Variants in TNFRSF21 observed in about 807,000 individuals in gnomAD.
The protein encoded by TNFRSF21 is tumor necrosis factor receptor superfamily member 21.
Under a neutral mutation model 45.6 loss-of-function variants are expected in TNFRSF21, and 19 were observed. The observed-to-expected ratio is 0.42, with a 90% CI of 0.29 to 0.61. The LOEUF (loss-of-function observed/expected upper bound fraction) is 0.61. TNFRSF21 is among the 20% of genes least tolerant of loss of function. The pLI is 0.23. For synonymous variants in TNFRSF21, 314 were observed against 335.5 expected (o/e 0.94, Z 0.70); for missense variants, 737 against 851.5 (o/e 0.87, Z 1.67).
intron 1 of TNFRSF21, among the ~76,000 whole-genome samples, chr6:47,299,705 T>C (rs970375925): frequency 1.2e-4 from 19 of 152,336 alleles, no homozygotes; most frequent in Admixed American, 5.2e-4. Flanking sequence ...CTAGGAGCTA[T>C]TGAAATTCAA....
intron 1 of TNFRSF21, among the ~76,000 whole-genome samples, chr6:47,288,968 A>G (rs1762684759): frequency 6.6e-6 from 1 of 152,256 alleles, no homozygotes; most frequent in Admixed American, 6.5e-5. Context: ...ACCCAGCAAG[A>G]GGGAATCAAC....
At chr6:47,270,188 A>C (rs1182658954) in intron 3 of TNFRSF21, among the ~76,000 whole-genome samples, 1 of 152,194 alleles carries the variant, frequency 6.6e-6, no homozygotes, top group East Asian at 1.9e-4. Context: ...TGCCTCCTCA[A>C]GTGGGTCCCT....
intron 3 of TNFRSF21, among the ~76,000 whole-genome samples, chr6:47,270,270 C>G (rs1762395936): frequency 6.6e-6 from 1 of 152,242 alleles, no homozygotes; most frequent in South Asian, 2.1e-4. Context: ...GGCAGCTGCC[C>G]CTCCCGGATG....
intron 4 of TNFRSF21, among the ~76,000 whole-genome samples, chr6:47,248,887 A>G (rs1764859174): frequency 6.6e-6 from 1 of 152,234 alleles, no homozygotes; most frequent in Non-Finnish European, 1.5e-5. Flanking sequence ...ATTAATAGTC[A>G]ACATCTGACA....
In TNFRSF21 at chr6:47,234,719, T is replaced by G. The variant is rs376589921; in HGVS notation, c.1689A>C (p.Thr563=). Residue 563 remains threonine (T), a synonymous_variant, in exon 5 of 6, where the codon ACA becomes ACC. Coordinates refer to ENST00000296861, the MANE Select transcript of TNFRSF21 (RefSeq NM_014452.5). ...ESEPLLRCDS[T]SSGSSALSRN... ...TGCTCAGCGCGGAGGAGCCGCTGGA[T>G]GTAGAGTCACAGCGGAGAAGGGGCT... is the stretch of plus-strand genomic sequence containing the variant. The G allele has an allele frequency of 6.2e-7, 1 of 1,612,162 alleles. No individual in the cohort carries two copies. Among genetic ancestry groups the G allele is most frequent in the Non-Finnish European group, 8.5e-7 (1 of 1,179,284 alleles).
At chr6:47,262,059 G>A (rs1032483320) in intron 3 of TNFRSF21, among the ~76,000 whole-genome samples, 1 of 152,096 alleles carries the variant, frequency 6.6e-6, no homozygotes, top group East Asian at 1.9e-4. Flanking sequence ...TATTTCTGAA[G>A]CAGAATTTAT....
intron 1 of TNFRSF21, among the ~76,000 whole-genome samples, chr6:47,290,073 T>G (rs1445081498): frequency 6.6e-6 from 1 of 152,060 alleles, no homozygotes. Flanking sequence ...ACCCAAGAGG[T>G]TGCAAAAGTG....
Position 47,264,493 on chromosome 6 carries a change from C to T in TNFRSF21, c.1244-10972G>A, listed in dbSNP as rs572743121. Among the ~76,000 whole-genome samples, 25 of 152,062 alleles carry T rather than the reference C, an allele frequency of 1.6e-4. No individual in the cohort carries two copies. In the South Asian group the frequency reaches 2.9e-3, roughly 18 times the overall value. On this transcript the variant is annotated intron_variant, in intron 3 of 5. Transcript: ENST00000296861. The stretch of plus-strand genomic sequence containing the variant: ...TCGCGCCACTGCACTCCAGCCTGGG[C>T]GACAGAGCAAGACTCCATCTCAAAA...
At chr6:47,296,891 G>A (rs541157275) in intron 1 of TNFRSF21, among the ~76,000 whole-genome samples, 1 of 152,340 alleles carries the variant, frequency 6.6e-6, no homozygotes, top group African/African-American at 2.4e-5. Context: ...TCAGGAGGCT[G>A]AGTAAGTAAA....
At chr6:47,273,671 G>A (rs1762458533) in intron 3 of TNFRSF21, among the ~76,000 whole-genome samples, 2 of 152,164 alleles carry the variant, frequency 1.3e-5, no homozygotes, top group Admixed American at 1.3e-4. Flanking sequence ...GGGCAATCAG[G>A]CAAGAGAAAG....
At chr6:47,260,749 A>G (rs905763761) in intron 3 of TNFRSF21, among the ~76,000 whole-genome samples, 6 of 152,222 alleles carry the variant, frequency 3.9e-5, no homozygotes, top group African/African-American at 1.4e-4. Flanking sequence ...TATACAACAT[A>G]GCACTCAGTT....
intron 1 of TNFRSF21, among the ~76,000 whole-genome samples, chr6:47,297,381 T>C (rs1479388986): frequency 6.6e-6 from 1 of 152,238 alleles, no homozygotes; most frequent in Non-Finnish European, 1.5e-5. Flanking sequence ...ATAGTAAGCA[T>C]TCCATAAATG....
intron 1 of TNFRSF21, among the ~76,000 whole-genome samples, chr6:47,295,914 G>GGCAA (rs1298189846): frequency 6.6e-6 from 1 of 152,202 alleles, no homozygotes; most frequent in African/African-American, 2.4e-5. Context: ...ACTGGAAGGA[G>GGCAA]GCAAGCTCAG....
intron 1 of TNFRSF21, among the ~76,000 whole-genome samples, chr6:47,298,325 G>A (rs1009493772): frequency 6.8e-6 from 1 of 147,862 alleles, no homozygotes; most frequent in Non-Finnish European, 1.5e-5. Context: ...GTATAGTGGT[G>A]TTCCAGCTAC....
chr6:47,238,810 G>T (rs1423922700), intron 4 of TNFRSF21, among the ~76,000 whole-genome samples: 1 of 152,198 alleles, frequency 6.6e-6, no homozygotes, highest in Non-Finnish European at 1.5e-5. Flanking sequence ...GGGCTACTGA[G>T]TTTGGTAGCA....
At chr6:47,295,550 CAT>C (rs1286840650) in intron 1 of TNFRSF21, among the ~76,000 whole-genome samples, 1 of 152,162 alleles carries the variant, frequency 6.6e-6, no homozygotes, top group Non-Finnish European at 1.5e-5. Context: ...GAATCTAAAA[CAT>C]GATAACAGAT....
intron 4 of TNFRSF21, among the ~76,000 whole-genome samples, chr6:47,241,431 A>C (rs1378573889): frequency 6.6e-6 from 1 of 152,196 alleles, no homozygotes; most frequent in Non-Finnish European, 1.5e-5. Context: ...ATTCTTGTTC[A>C]ATTCAATCCA....
chr6:47,245,837 A>C (rs1471523225), intron 4 of TNFRSF21, among the ~76,000 whole-genome samples: 1 of 152,240 alleles, frequency 6.6e-6, no homozygotes, highest in Non-Finnish European at 1.5e-5. Context: ...CAAGCTGTAT[A>C]GGAAGCATGA....
At chr6:47,233,020 A>G in intron 5 of TNFRSF21, 26 bp from the exon 6 acceptor site, 3 of 1,611,116 alleles carry the variant, frequency 1.9e-6, no homozygotes, top group Non-Finnish European at 2.5e-6. Context: ...GGAAGCAAAG[A>G]CAGCTGTAAG....
Sources: allele counts gnomAD v4.1 joint callset (sites outside exome capture counted in the v4.1 genomes callset), GRCh38; gene constraint gnomAD v4.1.1; transcripts MANE v1.5; gene names NCBI Gene and HGNC (gene_info 2026-07-23, HGNC 2026-07-21).